NPAS3: variants seen among roughly 807,000 people sequenced by gnomAD.
NPAS3 encodes the protein neuronal PAS domain protein 3, also known as neuronal PAS domain-containing protein 3.
NPAS3 carries 14 observed loss-of-function variants against 73.1 expected under a neutral mutation model. The observed-to-expected ratio is 0.19, with a 90% CI of 0.13 to 0.30. NPAS3 has a LOEUF of 0.30. NPAS3 is among the 10% of genes least tolerant of loss of function. The pLI is 1.00. For missense variants in NPAS3, 1,096 were observed against 1,250.0 expected (o/e 0.88, Z 1.86); for synonymous variants, 620 against 541.5 (o/e 1.14, Z -2.01).
intron 3 of NPAS3, among the ~76,000 whole-genome samples, chr14:33,350,357 G>A (rs1454301990): frequency 6.6e-6 from 1 of 152,128 alleles, no homozygotes; most frequent in African/African-American, 2.4e-5. Flanking sequence ...TTTATTTTCT[G>A]CATTCTCCTC....
chr14:33,211,765 A>G (rs994739497), intron 2 of NPAS3, among the ~76,000 whole-genome samples: 3 of 152,186 alleles, frequency 2.0e-5, no homozygotes, highest in Non-Finnish European at 4.4e-5. Context: ...GTTGGTGGTA[A>G]TAATGATTTG....
intron 3 of NPAS3, among the ~76,000 whole-genome samples, chr14:33,346,776 T>A (rs568566605): frequency 6.6e-6 from 1 of 152,270 alleles, no homozygotes; most frequent in South Asian, 2.1e-4. Flanking sequence ...TGTATTACAG[T>A]TCCTGGGAAC....
intron 6 of NPAS3, among the ~76,000 whole-genome samples, chr14:33,714,369 T>A (rs1958051): frequency 0.22 from 33,059 of 151,974 alleles, 4,212 homozygotes; most frequent in Admixed American, 0.4. Flanking sequence ...GAACGGTGAC[T>A]GGAACCAGTA....
rs1263452710 is a variant in NPAS3, at chr14:33,676,404, G to C, written c.733+19G>C. On this transcript the variant is annotated intron_variant, in intron 6 of 11. Coordinates refer to ENST00000356141, the Ensembl canonical transcript of NPAS3. ...GAGCCAGGTGGGAATTGCAAACCCAGTGTGTGGGTTGGTGGGCAGGACCTT... is the reference window on the plus strand; with the variant it reads ...GAGCCAGGTGGGAATTGCAAACCCACTGTGTGGGTTGGTGGGCAGGACCTT... 5.2e-6 allele frequency: 8 copies of C among 1,542,066 alleles called. No homozygotes were observed. Among genetic ancestry groups the C allele is most frequent in the Admixed American group, 2.2e-5 (1 of 46,362 alleles).
In NPAS3 at chr14:33,383,301, T is replaced by C. The variant is rs1017417094; in HGVS notation, c.468+16033T>C. Among the ~76,000 whole-genome samples the C allele has an allele frequency of 2.6e-5, 4 of 152,152 alleles. 1 individual carries two copies. In the South Asian group the frequency reaches 6.2e-4, roughly 24 times the overall value. On this transcript the variant is annotated intron_variant, in intron 4 of 11. Transcript: ENST00000356141. ...GTAGGTGCTCAGTGCCTTTGTAGAA[T>C]TGACTTAAATTTGTGCAGATAATGC...
At chr14:33,121,347 C>T (rs2043224370) in intron 2 of NPAS3, among the ~76,000 whole-genome samples, 1 of 152,158 alleles carries the variant, frequency 6.6e-6, no homozygotes, top group Non-Finnish European at 1.5e-5. Context: ...GAGTTGCCCT[C>T]TCCATGGGTT....
At chr14:33,720,011 A>G (rs2061061953) in intron 6 of NPAS3, among the ~76,000 whole-genome samples, 1 of 152,304 alleles carries the variant, frequency 6.6e-6, no homozygotes, top group Admixed American at 6.5e-5. Flanking sequence ...TAGAAATTAC[A>G]TTAAGAGGAA....
At chr14:32,987,192 T>C (rs892576051) in intron 1 of NPAS3, among the ~76,000 whole-genome samples, 6 of 152,102 alleles carry the variant, frequency 3.9e-5, no homozygotes, top group Non-Finnish European at 4.4e-5. Flanking sequence ...AGTATGCACA[T>C]TGAGTGACTA....
intron 4 of NPAS3, among the ~76,000 whole-genome samples, chr14:33,517,145 G>A (rs534823087): frequency 6.6e-6 from 1 of 152,206 alleles, no homozygotes; most frequent in East Asian, 1.9e-4. Context: ...TTTTGACAGA[G>A]TAAACAAACA....
intron 1 of NPAS3, among the ~76,000 whole-genome samples, chr14:33,025,275 C>G (rs2039761053): frequency 6.6e-6 from 1 of 152,142 alleles, no homozygotes; most frequent in South Asian, 2.1e-4. Flanking sequence ...GGGTAAGGCA[C>G]TCTAAGTTTC....
At chr14:33,033,435 C>T (rs76455726) in intron 1 of NPAS3, among the ~76,000 whole-genome samples, 23,261 of 151,872 alleles carry the variant, frequency 0.15, 2,148 homozygotes, top group East Asian at 0.29. Flanking sequence ...GCCGGGATTG[C>T]GCCACTGCAC....
intron 2 of NPAS3, among the ~76,000 whole-genome samples, chr14:33,199,426 A>T (rs2046525169): frequency 6.6e-6 from 1 of 152,196 alleles, no homozygotes; most frequent in African/African-American, 2.4e-5. Context: ...CCATGTAGGC[A>T]GGATTTTCAG....
intron 3 of NPAS3, among the ~76,000 whole-genome samples, chr14:33,280,230 G>C (rs540966757): frequency 1.3e-5 from 2 of 152,078 alleles, no homozygotes; most frequent in Admixed American, 1.3e-4. Flanking sequence ...CTCCTCTCAA[G>C]GGTCTCCTTT....
intron 2 of NPAS3, among the ~76,000 whole-genome samples, chr14:33,169,255 G>A (rs569935865): frequency 1.3e-5 from 2 of 151,884 alleles, no homozygotes; most frequent in African/African-American, 2.4e-5. Context: ...TCTTTTTTGT[G>A]AACTACTGTT....
chr14:33,609,520 C>T (rs2057685392), intron 5 of NPAS3, among the ~76,000 whole-genome samples: 1 of 149,856 alleles, frequency 6.7e-6, no homozygotes, highest in African/African-American at 2.5e-5. Flanking sequence ...TAAAGGTAAC[C>T]AGATTTTTGT....
chr14:33,597,785 T>C (rs1373997616), intron 5 of NPAS3, among the ~76,000 whole-genome samples: 2 of 152,254 alleles, frequency 1.3e-5, no homozygotes, highest in Non-Finnish European at 2.9e-5. Flanking sequence ...CAAAAGTATC[T>C]GGTTTTTTAA....
At chr14:33,451,101 A>T (rs2049770029) in intron 4 of NPAS3, among the ~76,000 whole-genome samples, 1 of 152,222 alleles carries the variant, frequency 6.6e-6, no homozygotes, top group Admixed American at 6.5e-5. Context: ...TTGAGATCCA[A>T]GATATTTTAT....
intron 4 of NPAS3, among the ~76,000 whole-genome samples, chr14:33,502,128 C>A (rs759718481): frequency 6.6e-6 from 1 of 151,768 alleles, no homozygotes; most frequent in Non-Finnish European, 1.5e-5. Context: ...ATTTTAACAC[C>A]CCAGGTAGAA....
chr14:33,151,279 A>C (rs1456860931), intron 2 of NPAS3, among the ~76,000 whole-genome samples: 3 of 152,194 alleles, frequency 2.0e-5, no homozygotes, highest in Non-Finnish European at 4.4e-5. Flanking sequence ...CTAGTTGAGA[A>C]AGTAACCCAG....
Sources: gnomAD v4.1 joint callset for allele counts (sites outside exome capture counted in the v4.1 genomes callset) on GRCh38, gnomAD v4.1.1 for gene constraint, MANE v1.5 for transcripts, NCBI Gene and HGNC (gene_info 2026-07-23, HGNC 2026-07-21) for gene names.